Variants in NELL1 observed in about 807,000 individuals in gnomAD.
NELL1 encodes protein kinase C-binding protein NELL1.
A neutral mutation model predicts 107.4 loss-of-function variants in NELL1; 76 were observed. That is an observed-to-expected ratio of 0.71 (90% CI 0.59 to 0.86). NELL1 has a LOEUF of 0.86. Ranked by LOEUF, NELL1 falls within the 40% of genes least tolerant of loss-of-function variation. The pLI is 0.00. For missense variants in NELL1, 1,024 were observed against 1,005.5 expected (o/e 1.02, Z -0.25); for synonymous variants, 353 against 341.2 (o/e 1.03, Z -0.38).
At chr11:20,723,662 C>T (rs1255404809) in intron 2 of NELL1, among the ~76,000 whole-genome samples, 4 of 152,066 alleles carry the variant, frequency 2.6e-5, no homozygotes, top group African/African-American at 9.7e-5. Flanking sequence ...CTGGATCTAT[C>T]ATTCTGGCAT....
intron 15 of NELL1, among the ~76,000 whole-genome samples, chr11:21,390,768 A>G (rs1157599812): frequency 1.3e-5 from 2 of 151,810 alleles, no homozygotes; most frequent in Non-Finnish European, 1.5e-5. Context: ...TCAACCTCAG[A>G]TTCTCTGCTA....
At chr11:21,058,298 T>A (rs1223440640) in intron 12 of NELL1, among the ~76,000 whole-genome samples, 1 of 152,168 alleles carries the variant, frequency 6.6e-6, no homozygotes, top group Admixed American at 6.5e-5. Flanking sequence ...TGTCTTTATA[T>A]CCTCCTTCAA....
At chr11:21,075,217 AT>A (rs1433741642) in intron 12 of NELL1, among the ~76,000 whole-genome samples, 1 of 152,180 alleles carries the variant, frequency 6.6e-6, no homozygotes, top group Non-Finnish European at 1.5e-5. Flanking sequence ...GAATATCGGA[AT>A]TTAGTACCTT....
intron 12 of NELL1, among the ~76,000 whole-genome samples, chr11:21,054,363 T>C (rs1166895013): frequency 6.6e-6 from 1 of 152,172 alleles, no homozygotes; most frequent in Non-Finnish European, 1.5e-5. Flanking sequence ...GTACTATAGT[T>C]ATCTAATGTT....
At chr11:21,224,611 G>A (rs919127093) in intron 13 of NELL1, among the ~76,000 whole-genome samples, 1 of 151,990 alleles carries the variant, frequency 6.6e-6, no homozygotes, top group Non-Finnish European at 1.5e-5. Flanking sequence ...TTACTTAATG[G>A]TGGCCCATAT....
At chr11:20,926,001 CTTAG>C (rs1025705297) in intron 7 of NELL1, among the ~76,000 whole-genome samples, 1 of 152,040 alleles carries the variant, frequency 6.6e-6, no homozygotes, top group Non-Finnish European at 1.5e-5. Flanking sequence ...TCAAAATAAT[CTTAG>C]TTAGATCAAA....
At chr11:21,295,156 T>C (rs1169773833) in intron 14 of NELL1, among the ~76,000 whole-genome samples, 2 of 152,144 alleles carry the variant, frequency 1.3e-5, no homozygotes, top group Non-Finnish European at 2.9e-5. Context: ...TCACCCATTA[T>C]GTTGATAAAG....
At chr11:21,435,675 C>T (rs1190267454) in intron 15 of NELL1, among the ~76,000 whole-genome samples, 1 of 151,822 alleles carries the variant, frequency 6.6e-6, no homozygotes, top group Non-Finnish European at 1.5e-5. Context: ...GGATAAATCC[C>T]ATTTGATCAT....
At chr11:20,875,127 T>G (rs915242333) in intron 4 of NELL1, among the ~76,000 whole-genome samples, 1 of 152,242 alleles carries the variant, frequency 6.6e-6, no homozygotes, top group Admixed American at 6.5e-5. Flanking sequence ...CAACATCCTT[T>G]TTGACAGCTG....
At chr11:20,907,047 C>T (rs894913444) in intron 5 of NELL1, among the ~76,000 whole-genome samples, 3 of 151,924 alleles carry the variant, frequency 2.0e-5, no homozygotes, top group Non-Finnish European at 4.4e-5. Context: ...AAAACTATCT[C>T]TACTCACAGA....
At chr11:21,142,784 A>T (rs187597251) in intron 13 of NELL1, among the ~76,000 whole-genome samples, 261 of 152,314 alleles carry the variant, frequency 1.7e-3, no homozygotes, top group South Asian at 7.7e-3. Flanking sequence ...TCTCATCTGC[A>T]AAAGGACACA....
chr11:21,522,233 CAA>C (rs34810194), intron 15 of NELL1, among the ~76,000 whole-genome samples: 5 of 128,490 alleles, frequency 3.9e-5, no homozygotes, highest in African/African-American at 6.1e-5. Flanking sequence ...GACTCCGTCT[CAA>C]AAAAAAAAAA....
chr11:20,865,019 A>T (rs78672185), intron 4 of NELL1, among the ~76,000 whole-genome samples: 5,536 of 152,142 alleles, frequency 0.036, 308 homozygotes, highest in African/African-American at 0.13. Flanking sequence ...ATACACACTG[A>T]TATTTTTATT....
intron 15 of NELL1, among the ~76,000 whole-genome samples, chr11:21,528,903 G>C (rs1855926500): frequency 6.6e-6 from 1 of 152,010 alleles, no homozygotes; most frequent in Admixed American, 6.6e-5. Flanking sequence ...GATTAGTGCT[G>C]GGTTTTTTTC....
intron 14 of NELL1, among the ~76,000 whole-genome samples, chr11:21,264,867 T>C (rs1265318100): frequency 5.3e-5 from 8 of 151,816 alleles, no homozygotes; most frequent in Non-Finnish European, 1.2e-4. Context: ...TGCTTTATCC[T>C]ATTTAAAAAG....
intron 15 of NELL1, among the ~76,000 whole-genome samples, chr11:21,383,038 T>A (rs955920734): frequency 6.6e-6 from 1 of 151,970 alleles, no homozygotes; most frequent in African/African-American, 2.4e-5. Flanking sequence ...TCCAAGAATA[T>A]GCACTGCACT....
chr11:21,386,621 A>G (rs1037394878), intron 15 of NELL1, among the ~76,000 whole-genome samples: 2 of 151,892 alleles, frequency 1.3e-5, no homozygotes, highest in Non-Finnish European at 2.9e-5. Context: ...GCACTTTTAA[A>G]TCTACTGTCA....
intron 15 of NELL1, among the ~76,000 whole-genome samples, chr11:21,516,750 CACACACACACAG>C (rs1043741007): frequency 5.4e-5 from 8 of 147,542 alleles, no homozygotes; most frequent in Admixed American, 4.2e-4. Flanking sequence ...TACACACACA[CACACACACACAG>C]ACACACACAC....
intron 2 of NELL1, among the ~76,000 whole-genome samples, chr11:20,696,438 G>A (rs1854619690): frequency 2.0e-5 from 3 of 151,998 alleles, no homozygotes; most frequent in Admixed American, 2.0e-4. Context: ...ACTTTTTAAG[G>A]TAGGCCTTTA....
Sources: allele counts gnomAD v4.1 joint callset (sites outside exome capture counted in the v4.1 genomes callset), GRCh38; gene constraint gnomAD v4.1.1; transcripts MANE v1.5; gene names NCBI Gene and HGNC (gene_info 2026-07-23, HGNC 2026-07-21).